Variants in PCDH9 observed in about 807,000 individuals in gnomAD.
The protein encoded by PCDH9 is protocadherin 9.
Under a neutral mutation model 70.6 loss-of-function variants are expected in PCDH9, and 24 were observed. The ratio of observed to expected loss-of-function variants is 0.34; its 90% CI spans 0.25 to 0.48. The LOEUF (loss-of-function observed/expected upper bound fraction) is 0.48. PCDH9 is among the 20% of genes least tolerant of loss of function. The pLI is 0.99. For missense variants in PCDH9, 1,281 were observed against 1,503.6 expected (o/e 0.85, Z 2.45); for synonymous variants, 562 against 558.5 (o/e 1.01, Z -0.09).
At chr13:66,338,559 A>G (rs1187501572) in intron 4 of PCDH9, among the ~76,000 whole-genome samples, 2 of 151,890 alleles carry the variant, frequency 1.3e-5, no homozygotes, top group Non-Finnish European at 2.9e-5. Flanking sequence ...ATAAGAGAAT[A>G]TCTATTTTTA....
intron 3 of PCDH9, among the ~76,000 whole-genome samples, chr13:66,801,166 T>A (rs2080320821): frequency 6.6e-6 from 1 of 152,078 alleles, no homozygotes; most frequent in Non-Finnish European, 1.5e-5. Flanking sequence ...GCTAGTCAAC[T>A]AAATTAATGA....
chr13:66,924,995 A>G (rs779152343), intron 2 of PCDH9, among the ~76,000 whole-genome samples: 2 of 151,844 alleles, frequency 1.3e-5, no homozygotes, highest in Admixed American at 1.3e-4. Flanking sequence ...TTTTTTTTAT[A>G]AAAAACATGG....
chr13:66,450,974 G>A (rs894705578), intron 4 of PCDH9, among the ~76,000 whole-genome samples: 4 of 152,042 alleles, frequency 2.6e-5, no homozygotes, highest in East Asian at 3.9e-4. Context: ...CCGAGATCGC[G>A]CCACTGTACT....
At chr13:67,068,317 C>T (rs1461277014) in intron 2 of PCDH9, among the ~76,000 whole-genome samples, 1 of 151,158 alleles carries the variant, frequency 6.6e-6, no homozygotes, top group African/African-American at 2.4e-5. Flanking sequence ...ATTAAAAGTT[C>T]ATTTTTTCAA....
rs550858874 is a variant in PCDH9 at position 66,708,030 on chromosome 13, C to G, written c.3139-76619G>C. ...ATCTTTAAATTGAACACAGATAACA[C>G]TTTTATTTTATTTTATTTTATTTTT... On this transcript the variant is annotated intron_variant, in intron 3 of 4. Transcript: ENST00000377865. 3.9e-5 allele frequency among the ~76,000 whole-genome samples: 6 copies of G among 151,958 alleles called. 1 individual carries two copies. The South Asian group carries it at 1.0e-3, about 26-fold the overall frequency.
At chr13:66,687,019 A>G (rs1566506023) in intron 3 of PCDH9, among the ~76,000 whole-genome samples, 1 of 152,176 alleles carries the variant, frequency 6.6e-6, no homozygotes, top group Non-Finnish European at 1.5e-5. Context: ...GATTTACCTT[A>G]TAAAGTAGGA....
intron 4 of PCDH9, among the ~76,000 whole-genome samples, chr13:66,583,026 C>T (rs186826215): frequency 1.8e-4 from 28 of 151,640 alleles, no homozygotes; most frequent in Admixed American, 9.9e-4. Context: ...TCTTTTAGAC[C>T]TCATTTACAT....
chr13:66,616,827 C>T (rs1047808276), intron 4 of PCDH9, among the ~76,000 whole-genome samples: 2 of 152,094 alleles, frequency 1.3e-5, no homozygotes, highest in African/African-American at 4.8e-5. Context: ...GGCTGAGTTC[C>T]GCAGTTTCAC....
chr13:66,473,279 A>C (rs1280355967), intron 4 of PCDH9, among the ~76,000 whole-genome samples: 1 of 152,118 alleles, frequency 6.6e-6, no homozygotes, highest in Non-Finnish European at 1.5e-5. Flanking sequence ...CAAGGAAAAA[A>C]ATAGCAGGGA....
intron 4 of PCDH9, among the ~76,000 whole-genome samples, chr13:66,593,121 G>T (rs919078825): frequency 1.3e-5 from 2 of 151,666 alleles, no homozygotes; most frequent in African/African-American, 4.8e-5. Flanking sequence ...GGAAATATTT[G>T]TTAAGAGCTG....
chr13:66,525,854 C>T (rs566843924), intron 4 of PCDH9, among the ~76,000 whole-genome samples: 1 of 152,260 alleles, frequency 6.6e-6, no homozygotes, highest in Non-Finnish European at 1.5e-5. Context: ...TAAGCTAAGA[C>T]GACATACGTT....
chr13:66,970,841 ATC>A (rs2083509763), intron 2 of PCDH9, among the ~76,000 whole-genome samples: 1 of 151,910 alleles, frequency 6.6e-6, no homozygotes, highest in Non-Finnish European at 1.5e-5. Context: ...CACTGAGGGC[ATC>A]TGTTTATTTA....
chr13:67,071,566 A>T (rs1316036674), intron 2 of PCDH9, among the ~76,000 whole-genome samples: 1 of 152,238 alleles, frequency 6.6e-6, no homozygotes, highest in East Asian at 1.9e-4. Context: ...AAAGTTTATC[A>T]ATAAAAAATT....
chr13:66,329,032 TA>T lies in PCDH9; in HGVS notation c.3341-24005del, dbSNP rs1426553171. Among the ~76,000 whole-genome samples, 3 of 152,330 alleles carry T rather than the reference TA, an allele frequency of 2.0e-5. No individual in the cohort carries two copies. In the East Asian group the frequency reaches 5.8e-4, roughly 29 times the overall value. ...TTTTCTTATTTTCACGAAAATAAGT[TA>T]AAAAGTATTTACACTTTAAGTTAAA... On this transcript the variant is annotated intron_variant, in intron 4 of 4. Transcript: ENST00000377865.
intron 3 of PCDH9, among the ~76,000 whole-genome samples, chr13:66,686,062 T>A (rs2078396963): frequency 6.6e-6 from 1 of 152,114 alleles, no homozygotes; most frequent in Admixed American, 6.5e-5. Flanking sequence ...ATGATTGTGT[T>A]TTGAAATGTG....
At position 66,363,553 on chromosome 13, in the gene PCDH9, C is replaced by T. The variant is rs560572552; in HGVS notation, c.3341-58525G>A. On this transcript the variant is annotated intron_variant, in intron 4 of 4. Transcript: ENST00000377865. ...GGGTGTTTCACAAAAGGCATACACA[C>T]AACGTTTAAGGGAGAATTATGTAGC... Among the ~76,000 whole-genome samples the T allele has an allele frequency of 3.3e-5, 5 of 152,140 alleles. No individual in the cohort carries two copies. In the South Asian group the frequency reaches 1.0e-3, roughly 32 times the overall value.
chr13:67,079,730 G>A (rs1402512862), intron 2 of PCDH9, among the ~76,000 whole-genome samples: 1 of 152,144 alleles, frequency 6.6e-6, no homozygotes, highest in Non-Finnish European at 1.5e-5. Context: ...GATCTGGAGA[G>A]ATGAACTGAG....
intron 2 of PCDH9, among the ~76,000 whole-genome samples, chr13:67,079,335 G>A (rs1412295122): frequency 6.6e-6 from 1 of 151,418 alleles, no homozygotes; most frequent in African/African-American, 2.4e-5. Context: ...TAAGCTGTGT[G>A]AAATAATATA....
chr13:67,056,404 C>T (rs1227781207), intron 2 of PCDH9, among the ~76,000 whole-genome samples: 3 of 152,096 alleles, frequency 2.0e-5, no homozygotes, highest in African/African-American at 4.8e-5. Flanking sequence ...CAATAAGATG[C>T]ATAGTCAATT....
Sources: allele counts gnomAD v4.1 joint callset (sites outside exome capture counted in the v4.1 genomes callset), GRCh38; gene constraint gnomAD v4.1.1; transcripts MANE v1.5; gene names NCBI Gene and HGNC (gene_info 2026-07-23, HGNC 2026-07-21).